TENM3: variants seen among roughly 807,000 people sequenced by gnomAD.
TENM3 encodes the protein teneurin-3.
A neutral mutation model predicts 255.1 loss-of-function variants in TENM3; 63 were observed. That is an observed-to-expected ratio of 0.25 (90% CI 0.20 to 0.30). The LOEUF (loss-of-function observed/expected upper bound fraction) is 0.30. TENM3 is among the 10% of genes least tolerant of loss of function. The probability of loss-of-function intolerance (pLI) is 1.00; values close to 1 mark genes in which losing one functional copy is unlikely to be tolerated. For missense variants in TENM3, 2,929 were observed against 3,461.1 expected (o/e 0.85, Z 3.86); for synonymous variants, 1,306 against 1,322.3 (o/e 0.99, Z 0.27).
rs555727816 is a variant in TENM3, at chr4:182,277,651, C to T, written c.-76+34175C>T. ...GAACAAGTGAATTATCTAAGCAGTACGGCGTTGCCTTATGAAGGGATGACA... is the reference window on the plus strand; with the variant it reads ...GAACAAGTGAATTATCTAAGCAGTATGGCGTTGCCTTATGAAGGGATGACA... On this transcript the variant is annotated intron_variant, in intron 1 of 27. Coordinates refer to ENST00000511685, the MANE Select transcript of TENM3 (RefSeq NM_001080477.4). Among the ~76,000 whole-genome samples, 44 of 152,282 alleles carry T rather than the reference C, an allele frequency of 2.9e-4. 1 individual carries two copies. In the South Asian group the frequency reaches 7.7e-3, roughly 27 times the overall value.
At chr4:182,682,208 A>C (rs1414948437) in intron 11 of TENM3, among the ~76,000 whole-genome samples, 194 bp downstream of exon 11, 3 of 152,218 alleles carry the variant, frequency 2.0e-5, no homozygotes, top group Non-Finnish European at 4.4e-5. Flanking sequence ...CCAGTTTGTC[A>C]CTAAAATTTC....
chr4:182,329,530 T>C (rs1331286406), intron 2 of TENM3, among the ~76,000 whole-genome samples: 1 of 152,134 alleles, frequency 6.6e-6, no homozygotes, highest in South Asian at 2.1e-4. Context: ...AAACAACAAA[T>C]TTAATGGCAC....
At chr4:182,449,119 G>C (rs1429344530) in intron 3 of TENM3, 2 of 221,628 alleles carry the variant, frequency 9.0e-6, no homozygotes, top group East Asian at 1.6e-4. Flanking sequence ...GGCCTGGGGC[G>C]GGCTGGCGGA....
chr4:182,226,702 A>C (rs1420410792), intron 1 of TENM3, among the ~76,000 whole-genome samples: 1 of 152,144 alleles, frequency 6.6e-6, no homozygotes, highest in Non-Finnish European at 1.5e-5. Flanking sequence ...TCTATAGCAA[A>C]GACCATACCC....
At chr4:182,323,264 G>A (rs562749243) in intron 1 of TENM3, among the ~76,000 whole-genome samples, 9 of 152,076 alleles carry the variant, frequency 5.9e-5, no homozygotes, top group Admixed American at 6.5e-5. Context: ...TAAATATCAC[G>A]ATTTGCGCTG....
At chr4:182,415,992 A>T (rs1310796344) in intron 3 of TENM3, among the ~76,000 whole-genome samples, 2 of 152,142 alleles carry the variant, frequency 1.3e-5, no homozygotes, top group Non-Finnish European at 2.9e-5. Context: ...AAATTAATTA[A>T]AAATAAAACT....
intron 4 of TENM3, among the ~76,000 whole-genome samples, chr4:182,611,154 A>G (rs1366339669): frequency 2.0e-5 from 3 of 152,056 alleles, no homozygotes; most frequent in African/African-American, 7.2e-5. Context: ...TAAGTTCATT[A>G]CCTTTTCTTC....
At chr4:181,781,650 G>T in the TENM3 span, among the ~76,000 whole-genome samples, 1 of 152,026 alleles carries the variant, frequency 6.6e-6, no homozygotes, top group Non-Finnish European at 1.5e-5. Context: ...AACTTCCAAC[G>T]CTATGTTGAA....
the TENM3 span, among the ~76,000 whole-genome samples, chr4:181,948,362 C>G: frequency 6.6e-6 from 1 of 152,174 alleles, no homozygotes; most frequent in Admixed American, 6.5e-5. Flanking sequence ...AATGCTTAGA[C>G]AAATTTATCA....
chr4:181,887,082 T>C, the TENM3 span, among the ~76,000 whole-genome samples: 2 of 152,126 alleles, frequency 1.3e-5, no homozygotes, highest in Admixed American at 6.5e-5. Flanking sequence ...CTTTAAAAAG[T>C]TTTTCTTCCT....
At chr4:182,499,099 GTCAT>G (rs1736079522) in intron 3 of TENM3, among the ~76,000 whole-genome samples, 1 of 152,130 alleles carries the variant, frequency 6.6e-6, no homozygotes, top group Non-Finnish European at 1.5e-5. Flanking sequence ...ACAGTTTGTG[GTCAT>G]TCAATGTACT....
intron 19 of TENM3, among the ~76,000 whole-genome samples, chr4:182,744,992 A>C (rs1457197933): frequency 6.6e-6 from 1 of 152,214 alleles, no homozygotes; most frequent in Non-Finnish European, 1.5e-5. Flanking sequence ...AAGCTGGCAA[A>C]AAGCTAGACA....
intron 19 of TENM3, among the ~76,000 whole-genome samples, chr4:182,751,290 GATACAGTGGTAC>G (rs1266573143): frequency 1.3e-5 from 2 of 151,936 alleles, no homozygotes; most frequent in African/African-American, 4.9e-5. Flanking sequence ...AACCAAGACA[GATACAGTGGTAC>G]ATTTCTTCAG....
At chr4:181,749,833 G>T in the TENM3 span, among the ~76,000 whole-genome samples, 1 of 151,952 alleles carries the variant, frequency 6.6e-6, no homozygotes, top group Non-Finnish European at 1.5e-5. Context: ...AGCTTAATGT[G>T]CGAATCAAAT....
chr4:182,046,736 T>C, the TENM3 span, among the ~76,000 whole-genome samples: 8 of 152,078 alleles, frequency 5.3e-5, no homozygotes, highest in South Asian at 1.7e-3. Flanking sequence ...TGTCTATAAA[T>C]AAATAAATGA....
the TENM3 span, among the ~76,000 whole-genome samples, chr4:181,826,490 CT>C: frequency 1.3e-5 from 2 of 152,206 alleles, no homozygotes; most frequent in Admixed American, 6.5e-5. Context: ...GAAAGCATTT[CT>C]TTCCCATCTC....
intron 4 of TENM3, among the ~76,000 whole-genome samples, chr4:182,619,720 C>A (rs1388929540): frequency 2.0e-5 from 3 of 152,188 alleles, no homozygotes; most frequent in Non-Finnish European, 4.4e-5. Flanking sequence ...ACCTTCTGCA[C>A]CAGCTGTCTT....
chr4:182,363,403 A>G lies in TENM3; in HGVS notation c.511+16474A>G, dbSNP rs577492498. On this transcript the variant is annotated intron_variant, in intron 3 of 27. Transcript: ENST00000511685. ...TATATATATGAATATGTATATGTAT[A>G]TATTCATATATGTACATATATACAT... is the stretch of plus-strand genomic sequence containing the variant. 5.3e-5 allele frequency among the ~76,000 whole-genome samples: 8 copies of G among 151,998 alleles called. No individual in the cohort carries two copies. The South Asian group carries it at 1.7e-3, about 31-fold the overall frequency.
the TENM3 span, among the ~76,000 whole-genome samples, chr4:181,970,891 C>T: frequency 7.9e-5 from 12 of 152,264 alleles, no homozygotes; most frequent in East Asian, 1.5e-3. Context: ...TGCCATGCAA[C>T]TAGGAAAGAT....
Sources: allele counts gnomAD v4.1 joint callset (sites outside exome capture counted in the v4.1 genomes callset), GRCh38; gene constraint gnomAD v4.1.1; transcripts MANE v1.5; gene names NCBI Gene and HGNC (gene_info 2026-07-23, HGNC 2026-07-21).